Variants in MACF1 observed in about 807,000 individuals in gnomAD.
The protein encoded by MACF1 is microtubule actin crosslinking factor 1.
In MACF1, 193 loss-of-function variants were observed where a neutral mutation model predicts 854.8. That is an observed-to-expected ratio of 0.23 (90% CI 0.20 to 0.25). MACF1 has a LOEUF of 0.25. MACF1 is among the 10% of genes least tolerant of loss of function. MACF1 has a pLI of 1.00. For missense variants in MACF1, 7,722 were observed against 8,929.1 expected (o/e 0.86, Z 5.45); for synonymous variants, 3,185 against 3,226.7 (o/e 0.99, Z 0.44).
chr1:39,335,491 A>T lies in MACF1; in HGVS notation c.8903A>T (p.Asn2968Ile), dbSNP rs752812111. The T allele has an allele frequency of 3.1e-6, 5 of 1,614,190 alleles. No homozygotes were observed. In the South Asian group the frequency reaches 5.5e-5, roughly 18 times the overall value. ...GAGCAGGTTTTGCAGCAACCAATGA[A>T]TGCTCGGGTGAAAAGTAAGAGAGAG... ...PSEQVLQQPM[N>I]ARVKSKREKR... Residue 2968 changes from asparagine to isoleucine, a missense_variant, in exon 37 of 101, where the codon AAT (asparagine) becomes ATT (isoleucine). Physicochemically the swap from Asn to Ile is moderately radical, Grantham distance 149 (BLOSUM62 -3). Coordinates refer to ENST00000564288, the MANE Select transcript of MACF1 (RefSeq NM_001394062.1).
At chr1:39,145,188 CT>C (rs951958728) in intron 2 of MACF1, among the ~76,000 whole-genome samples, 2 of 152,146 alleles carry the variant, frequency 1.3e-5, no homozygotes, top group Non-Finnish European at 2.9e-5. Flanking sequence ...ATCCTGAAAC[CT>C]TTTTATTCTC....
At chr1:39,202,838 C>T (rs1402794952), upstream of MACF1, among the ~76,000 whole-genome samples, 11 of 152,164 alleles carry the variant, frequency 7.2e-5, no homozygotes. Flanking sequence ...GTACCTGGAA[C>T]ATGACCTGGC....
In MACF1 at chr1:39,332,785, C is replaced by T. The variant is rs752841859; in HGVS notation, c.6197C>T (p.Thr2066Ile). Residue 2066 changes from threonine (T) to isoleucine (I), a missense_variant, in exon 37 of 101, where the codon ACT (threonine) becomes ATT (isoleucine). Thr to Ile is a moderately conservative substitution (Grantham distance 89, BLOSUM62 -1). Around this residue, in one of 15 missense-constraint regions of MACF1, gnomAD observed 1,531 missense variants for 1,601.6 expected, o/e 0.96. Transcript: ENST00000564288. ...ACTACAGAAAAAGGCAAAAAGACCA[C>T]TGTAGAAACAGAAGATTCTTCTGTA... ...DCTTEKGKKT[T>I]VETEDSSVEN... The T allele has an allele frequency of 6.8e-6, 11 of 1,614,052 alleles. No homozygotes were observed. In the East Asian group the frequency reaches 2.2e-4, roughly 33 times the overall value.
chr1:39,249,606 A>G (rs1645018281), intron 2 of MACF1, among the ~76,000 whole-genome samples: 1 of 152,188 alleles, frequency 6.6e-6, no homozygotes, highest in African/African-American at 2.4e-5. Flanking sequence ...GGTGCCTAGC[A>G]TTTAGTTTCC....
chr1:39,399,716 T>A (rs907673756), intron 58 of MACF1, among the ~76,000 whole-genome samples: 1 of 152,146 alleles, frequency 6.6e-6, no homozygotes, highest in African/African-American at 2.4e-5. Flanking sequence ...CTACTCCTGA[T>A]CTCTTAATCA....
At chr1:39,417,890 A>T (rs1643388104) in intron 58 of MACF1, among the ~76,000 whole-genome samples, 1 of 151,836 alleles carries the variant, frequency 6.6e-6, no homozygotes, top group Admixed American at 6.6e-5. Flanking sequence ...AGTAAATATT[A>T]TGAGTACCTA....
At chr1:39,485,362 G>T in intron 100 of MACF1, 176 bp from the exon 101 acceptor site, 1 of 685,958 alleles carries the variant, frequency 1.5e-6, no homozygotes, top group Non-Finnish European at 2.4e-6. Context: ...TTCTCAAGTA[G>T]AATCACAAAG....
chr1:39,258,201 C>T (rs940607179), intron 6 of MACF1, among the ~76,000 whole-genome samples, 173 bp downstream of exon 6: 1 of 152,178 alleles, frequency 6.6e-6, no homozygotes, highest in Non-Finnish European at 1.5e-5. Flanking sequence ...GCTGTTGTAT[C>T]GTAAACGCAA....
chr1:39,435,596 T>C lies in MACF1; in HGVS notation c.17823T>C (p.Ile5941=). Residue 5941 remains isoleucine (I), a synonymous_variant, in exon 70 of 101, where the codon ATT becomes ATC. Coordinates refer to ENST00000564288, the MANE Select transcript of MACF1 (RefSeq NM_001394062.1). The part of the protein sequence containing the change: ...RESIAEHKPH[I]DKLLKIGPQL... ...CTATTGCTGAACACAAACCTCATAT[T>C]GACAAACTACTAAAGATAGGCCCAC... 2 of 1,614,174 alleles carry C rather than the reference T, an allele frequency of 1.2e-6. No homozygotes were observed. The highest frequency in any genetic ancestry group is 1.7e-6 in the Non-Finnish European group (2 of 1,180,030).
rs990438746 is a variant in MACF1, at chr1:39,462,774, C to T, written c.21678+737C>T. Among the ~76,000 whole-genome samples the T allele has an allele frequency of 2.6e-5, 4 of 151,956 alleles. No individual in the cohort carries two copies. The East Asian group carries it at 7.7e-4, about 29-fold the overall frequency. ...ATGTAATGTTTAAAATGGTGTATAC[C>T]CATCATGCTTTCTGCCTTGTTAAGA... On this transcript the variant is annotated intron_variant, in intron 93 of 100. Coordinates refer to ENST00000564288, the MANE Select transcript of MACF1 (RefSeq NM_001394062.1).
chr1:39,426,568 CCTCCTCA>C (rs1643734619), intron 61 of MACF1, among the ~76,000 whole-genome samples: 3 of 152,182 alleles, frequency 2.0e-5, no homozygotes, highest in African/African-American at 7.2e-5. Flanking sequence ...ATCCAGACTT[CCTCCTCA>C]CTTTGTAATT....
chr1:39,353,613 C>A (rs941056398), intron 44 of MACF1, among the ~76,000 whole-genome samples: 2 of 152,146 alleles, frequency 1.3e-5, no homozygotes, highest in African/African-American at 4.8e-5. Context: ...TGATTTCTGT[C>A]CCGAGCTTCA....
chr1:39,473,447 A>G (rs577024471), intron 97 of MACF1, among the ~76,000 whole-genome samples: 20 of 152,198 alleles, frequency 1.3e-4, no homozygotes, highest in South Asian at 1.2e-3. Flanking sequence ...TTAATATTCT[A>G]TATATAGTAG....
In MACF1 at chr1:39,360,391, C is replaced by T. The variant is rs1648085012; in HGVS notation, c.12245-402C>T. Among the ~76,000 whole-genome samples, 2 of 151,824 alleles carry T rather than the reference C, an allele frequency of 1.3e-5. 1 individual carries two copies. The highest frequency in any genetic ancestry group is 4.1e-4 in the South Asian group (2 of 4,828). ...TAAGTTGTAGATGTCAGATAAGATA[C>T]TTAAGTATCTTTAGTCCTCAGCATC... is the stretch of plus-strand genomic sequence containing the variant. On this transcript the variant is annotated intron_variant, in intron 47 of 100. Transcript: ENST00000564288.
At chr1:39,443,708 T>C in intron 79 of MACF1, 134 bp downstream of exon 79, 2 of 991,916 alleles carry the variant, frequency 2.0e-6, no homozygotes, top group Non-Finnish European at 2.8e-6. Context: ...AGTATAACCT[T>C]TGGGGATTGC....
chr1:39,112,028 G>A (rs1642421521), intron 2 of MACF1, among the ~76,000 whole-genome samples: 1 of 150,676 alleles, frequency 6.6e-6, no homozygotes, highest in Non-Finnish European at 1.5e-5. Flanking sequence ...CCTGTGTCCT[G>A]TGCCTTTGTT....
At chr1:39,241,489 G>A (rs576630980) in intron 2 of MACF1, among the ~76,000 whole-genome samples, 1 of 151,750 alleles carries the variant, frequency 6.6e-6, no homozygotes. Flanking sequence ...GTGAAACCCC[G>A]TCTCTACTAA....
chr1:39,329,545 T>C (rs1209626278), intron 36 of MACF1, among the ~76,000 whole-genome samples: 2 of 152,178 alleles, frequency 1.3e-5, no homozygotes, highest in African/African-American at 4.8e-5. Flanking sequence ...GGGAAATAAT[T>C]GGAAATTGCT....
At chr1:39,437,690 G>A (rs1297919125) in intron 70 of MACF1, 87 bp from the exon 71 acceptor site, 2 of 1,034,198 alleles carry the variant, frequency 1.9e-6, no homozygotes, top group Non-Finnish European at 3.0e-6. Flanking sequence ...AACAGTAGTA[G>A]GATAATATCT....
Sources: allele counts gnomAD v4.1 joint callset (sites outside exome capture counted in the v4.1 genomes callset), GRCh38; gene constraint gnomAD v4.1.1; regional missense constraint gnomAD v4.1.1; transcripts MANE v1.5; gene names NCBI Gene and HGNC (gene_info 2026-07-23, HGNC 2026-07-21).